Variants in SETD1A observed in about 807,000 individuals in gnomAD.
SETD1A encodes the protein SET domain containing 1A, histone lysine methyltransferase.
Under a neutral mutation model 149.9 loss-of-function variants are expected in SETD1A, and 29 were observed. The ratio of observed to expected loss-of-function variants is 0.19; its 90% CI spans 0.14 to 0.26. The LOEUF is 0.26. Ranked by LOEUF, SETD1A falls within the 10% of genes least tolerant of loss-of-function variation. The pLI is 1.00. For synonymous variants in SETD1A, 1,141 were observed against 968.5 expected (o/e 1.18, Z -3.31); for missense variants, 2,109 against 2,353.1 (o/e 0.90, Z 2.15).
At chr16:30,969,763 C>T in intron 12 of SETD1A, 74 bp downstream of exon 12, 2 of 1,158,252 alleles carry the variant, frequency 1.7e-6, no homozygotes, top group South Asian at 2.4e-5. Context: ...CTTTTCTGAG[C>T]CCACATGACC....
Position 30,971,476 on chromosome 16 carries a change from T to C in SETD1A, c.3115T>C (p.Ser1039Pro). ...ATCAGACTCCGAGAGCAGCAGCTCT[T>C]CCAGCTCCTCATCCTCCTCCTCCTC... ...STSDSESSSS[S>P]SSSSSSSSSS... The change falls in exon 13 of 19, where the codon TCC becomes CCC. Residue 1039 changes from serine to proline, a missense_variant. Ser to Pro is a moderately conservative substitution (Grantham distance 74). Transcript: ENST00000262519. 3 of 1,614,054 alleles carry C rather than the reference T, an allele frequency of 1.9e-6. No individual in the cohort carries two copies. The highest frequency in any genetic ancestry group is 2.5e-6 in the Non-Finnish European group (3 of 1,179,960).
At chr16:30,962,700 ACT>A (rs1217179539) in intron 4 of SETD1A, among the ~76,000 whole-genome samples, 3 of 152,200 alleles carry the variant, frequency 2.0e-5, no homozygotes, top group Non-Finnish European at 2.9e-5. Flanking sequence ...TAATCCCAAG[ACT>A]CTGAGAGGCC....
At position 30,964,921 on chromosome 16, in the gene SETD1A, T is replaced by A; in HGVS notation, c.1179T>A (p.Pro393=). The part of the protein sequence containing the change: ...PPRRATREEP[P]GAPFAENTAE... ...GCCGGGCCACACGGGAGGAACCCCC[T>A]GGAGCCCCTTTTGCTGAAAATACAG... The change falls in exon 7 of 19, where the codon CCT becomes CCA. Residue 393 remains proline, a synonymous_variant. Coordinates refer to ENST00000262519, the MANE Select transcript of SETD1A (RefSeq NM_014712.3). 6.2e-7 allele frequency: 1 copy of A among 1,614,044 alleles called. No individual in the cohort carries two copies. Among genetic ancestry groups the A allele is most frequent in the Non-Finnish European group, 8.5e-7 (1 of 1,179,906 alleles).
In SETD1A at chr16:30,979,890, G is replaced by T. The variant is rs757990344; in HGVS notation, c.4104G>T (p.Glu1368Asp). The change falls in exon 14 of 19, where the codon GAG (glutamate) becomes GAT (aspartate). Residue 1368 changes from glutamate (E) to aspartate (D), a missense_variant. Physicochemically the swap from Glu to Asp is conservative, Grantham distance 45. Around this residue, in one of 8 missense-constraint regions of SETD1A, gnomAD observed 832 missense variants for 815.6 expected, o/e 1.02. Transcript: ENST00000262519. ...AGGGCGAAGAGGAGGGGGAGGAAGA[G>T]GGGGAGGAAGAGGAGGAGGAGTCCT... ...REEGEEEGEEEGEEEEEESSD... is the reference protein window; with the variant it reads ...REEGEEEGEEDGEEEEEESSD... 2 of 1,534,898 alleles carry T rather than the reference G, an allele frequency of 1.3e-6. No individual in the cohort carries two copies. Among genetic ancestry groups the T allele is most frequent in the Admixed American group, 2.0e-5 (1 of 50,944 alleles).
At chr16:30,968,003 T>C (rs2056171544) in intron 10 of SETD1A, among the ~76,000 whole-genome samples, 1 of 152,196 alleles carries the variant, frequency 6.6e-6, no homozygotes, top group Admixed American at 6.5e-5. Flanking sequence ...TCTGCTTCCC[T>C]GGAGACCCAC....
chr16:30,966,505 G>A (rs561965945), intron 8 of SETD1A, 119 bp downstream of exon 8: 429 of 1,404,084 alleles, frequency 3.1e-4, no homozygotes, highest in Admixed American at 3.8e-4. Context: ...GAGAGAGGCC[G>A]CAGGCCCTGC....
At chr16:30,968,598 C>A (rs950586088) in intron 10 of SETD1A, among the ~76,000 whole-genome samples, 1 of 151,686 alleles carries the variant, frequency 6.6e-6, no homozygotes, top group East Asian at 1.9e-4. Context: ...GTCAAGAGAT[C>A]GAGACCATCC....
At position 30,958,350 on chromosome 16, in the gene SETD1A, G is replaced by C. The variant is rs1365972597; in HGVS notation, c.-15-367G>C. 16 of 183,618 alleles carry C rather than the reference G, an allele frequency of 8.7e-5. 1 individual carries two copies. The Admixed American group carries it at 9.5e-4, about 11-fold the overall frequency. 11.4% of individuals were successfully genotyped at this position (183,618 alleles called of 1,614,324 possible). ...CGCGGGGAGGAGAGCGGGTGTGTGG[G>C]AGCCGTGGCCGGGCTCGGCCCGGGC... On this transcript the variant is annotated intron_variant, in intron 1 of 18. Transcript: ENST00000262519.
At chr16:30,969,746 G>C in intron 12 of SETD1A, 57 bp downstream of exon 12, 1 of 1,413,246 alleles carries the variant, frequency 7.1e-7, no homozygotes, top group Non-Finnish European at 1.0e-6. Flanking sequence ...CGGCTGCCTG[G>C]CTAGCCCTTT....
At position 30,961,212 on chromosome 16, in the gene SETD1A, C is replaced by T. The variant is rs147236793; in HGVS notation, c.247-55C>T. 139 of 1,573,252 alleles carry T rather than the reference C, an allele frequency of 8.8e-5. 2 individuals carry two copies. The East Asian group carries it at 3.1e-3, about 35-fold the overall frequency. On this transcript the variant is annotated intron_variant, in intron 3 of 18. Coordinates refer to ENST00000262519, the MANE Select transcript of SETD1A (RefSeq NM_014712.3). This position sits in a 1 kb window ranked among gnomAD's most constrained non-coding sequence, Gnocchi z 4.0. Reference sequence around the variant, plus strand: ...GAGCTTGCTAAAGTTTCCCGAAGGACAAAGGAACAGTGGTCAGTGTTGAGA... The same window carrying T: ...GAGCTTGCTAAAGTTTCCCGAAGGATAAAGGAACAGTGGTCAGTGTTGAGA...
At position 30,979,999 on chromosome 16, in the gene SETD1A, C is replaced by T. The variant is rs1478785481; in HGVS notation, c.4213C>T (p.Pro1405Ser). 2.0e-6 allele frequency: 3 copies of T among 1,480,120 alleles called. No individual in the cohort carries two copies. The highest frequency in any genetic ancestry group is 2.7e-6 in the Non-Finnish European group (3 of 1,120,748). The allele number at this position is 1,480,120 out of a possible 1,614,324, so 91.7% of individuals were successfully genotyped here. Reference protein sequence around the residue: ...RSHARRRRPPPPPPPPPPRAY... With the variant: ...RSHARRRRPPSPPPPPPPRAY... ...CCACGCCCGGCGCCGCCGCCCTCCGCCCCCACCCCCGCCGCCACCGCCCCG... is the reference window on the plus strand; with the variant it reads ...CCACGCCCGGCGCCGCCGCCCTCCGTCCCCACCCCCGCCGCCACCGCCCCG... The change falls in exon 14 of 19, where the codon CCC (proline) becomes TCC (serine). Residue 1405 changes from proline to serine, a missense_variant. By Grantham distance (74) the Pro-to-Ser change is moderately conservative. Coordinates refer to ENST00000262519, the MANE Select transcript of SETD1A (RefSeq NM_014712.3).
rs1307793284 is a variant in SETD1A at position 30,958,908 on chromosome 16, T to C, written c.150+27T>C. The C allele has an allele frequency of 1.9e-6, 3 of 1,612,716 alleles. No homozygotes were observed. The Admixed American group carries it at 5.0e-5, about 27-fold the overall frequency. Reference sequence around the variant, plus strand: ...TGAGTGCCCGGGTCTTTGGTTGCCATCCGGGGAGCTCCAGGCGCCCGTCCT... The same window carrying C: ...TGAGTGCCCGGGTCTTTGGTTGCCACCCGGGGAGCTCCAGGCGCCCGTCCT... On this transcript the variant is annotated intron_variant, in intron 2 of 18. Coordinates refer to ENST00000262519, the MANE Select transcript of SETD1A (RefSeq NM_014712.3).
chr16:30,969,498 A>G (rs375560735), intron 11 of SETD1A, 36 bp downstream of exon 11: 5 of 1,599,224 alleles, frequency 3.1e-6, no homozygotes, highest in Middle Eastern at 1.7e-4. Flanking sequence ...GCCGAAGCCT[A>G]CTTCCCATAG....
Position 30,964,664 on chromosome 16 carries a change from G to T in SETD1A, c.922G>T (p.Ala308Ser). The T allele has an allele frequency of 2.5e-6, 4 of 1,613,934 alleles. No homozygotes were observed. The highest frequency in any genetic ancestry group is 3.4e-6 in the Non-Finnish European group (4 of 1,180,016). The change falls in exon 7 of 19, where the codon GCC (alanine) becomes TCC (serine). Residue 308 changes from alanine to serine, a missense_variant. By Grantham distance (99) the Ala-to-Ser change is moderately conservative. Coordinates refer to ENST00000262519, the MANE Select transcript of SETD1A (RefSeq NM_014712.3). Reference sequence around the variant, plus strand: ...GCGGTCAGAGAACAGCTACCAAGATGCCTTTTCCCGCCGCCACTTCTCTGC... The same window carrying T: ...GCGGTCAGAGAACAGCTACCAAGATTCCTTTTCCCGCCGCCACTTCTCTGC... ...PRRSENSYQDAFSRRHFSASS... is the reference protein window; with the variant it reads ...PRRSENSYQDSFSRRHFSASS...
intron 13 of SETD1A, 124 bp downstream of exon 13, chr16:30,971,843 C>T (rs2056229499): frequency 1.6e-6 from 2 of 1,255,144 alleles, no homozygotes. Context: ...AAGAAAATGT[C>T]ACCATCTCCT....
rs1056557414 is a variant in SETD1A, at chr16:30,984,201, C to T, written c.*178C>T. 6.8e-6 allele frequency: 4 copies of T among 590,640 alleles called. No individual in the cohort carries two copies. The highest frequency in any genetic ancestry group is 1.2e-5 in the Non-Finnish European group (4 of 332,976). The allele number at this position is 590,640 out of a possible 1,614,324, so 36.6% of individuals were successfully genotyped here. A position where few individuals can be genotyped will look rare whatever the true frequency, so the allele number is the denominator to read the frequency against. ...GTCCCTGGAGGCAGCTTCTGCCTCT[C>T]CTGTCACCCCTGCCCACCACCCCCT... On this transcript the variant is annotated 3_prime_UTR_variant, in exon 19 of 19. Transcript: ENST00000262519.
chr16:30,969,379 G>C lies in SETD1A; in HGVS notation c.2845G>C (p.Gly949Arg), dbSNP rs373299816. 1.2e-6 allele frequency: 2 copies of C among 1,614,176 alleles called. No individual in the cohort carries two copies. The highest frequency in any genetic ancestry group is 1.7e-6 in the Non-Finnish European group (2 of 1,180,020). ...TKPPKRDEER[G>R]KTQGKHRKSF... ...GCCCCCGAAGCGGGACGAAGAGCGA[G>C]GCAAGACCCAGGGCAAGCACCGCAA... The change falls in exon 11 of 19, where the codon GGC becomes CGC. Residue 949 changes from glycine to arginine, a missense_variant. Gly to Arg is a moderately radical substitution (Grantham distance 125). This residue lies in a region of SETD1A where 832 missense variants were observed against 815.6 expected (regional missense o/e 1.02). Coordinates refer to ENST00000262519, the MANE Select transcript of SETD1A (RefSeq NM_014712.3).
chr16:30,972,030 C>T (rs879828283), intron 13 of SETD1A, among the ~76,000 whole-genome samples: 1 of 152,180 alleles, frequency 6.6e-6, no homozygotes, highest in Non-Finnish European at 1.5e-5. Context: ...TTTCTTAAGC[C>T]TGTTCTTCAG....
chr16:30,980,473 A>C lies in SETD1A; in HGVS notation c.4409-12A>C. On this transcript the variant is annotated splice_polypyrimidine_tract_variant and intron_variant, in intron 14 of 18. Coordinates refer to ENST00000262519, the MANE Select transcript of SETD1A (RefSeq NM_014712.3). This position sits in a 1 kb window ranked among gnomAD's most constrained non-coding sequence, Gnocchi z 7.7. Reference sequence around the variant, plus strand: ...CCAGAGAGGAGCCGTTCTCTTCCTTAACACCCTGCACTCACCAACCTGACC... The same window carrying C: ...CCAGAGAGGAGCCGTTCTCTTCCTTCACACCCTGCACTCACCAACCTGACC... 1 of 1,609,332 alleles carries C rather than the reference A, an allele frequency of 6.2e-7. No individual in the cohort carries two copies. The highest frequency in any genetic ancestry group is 8.5e-7 in the Non-Finnish European group (1 of 1,177,484).
Sources: allele counts gnomAD v4.1 joint callset (sites outside exome capture counted in the v4.1 genomes callset), GRCh38; gene constraint gnomAD v4.1.1; regional missense constraint gnomAD v4.1.1; non-coding constraint Gnocchi (gnomAD v3.1); transcripts MANE v1.5; gene names NCBI Gene and HGNC (gene_info 2026-07-23, HGNC 2026-07-21).